The following BBS9 variants were observed in gnomAD, a reference collection of about 807,000 sequenced individuals.
The protein encoded by BBS9 is Bardet-Biedl syndrome 9, also known as protein PTHB1.
A neutral mutation model predicts 117.7 loss-of-function variants in BBS9; 89 were observed. That is an observed-to-expected ratio of 0.76 (90% CI 0.64 to 0.90). The LOEUF (loss-of-function observed/expected upper bound fraction) is 0.90. BBS9 is among the 40% of genes least tolerant of loss of function. The pLI is 0.00. For synonymous variants in BBS9, 379 were observed against 370.9 expected, an observed-to-expected ratio of 1.02 and a Z score of -0.25; for missense variants, 982 against 1,042.2, an observed-to-expected ratio of 0.94 and a Z score of 0.80.
At chr7:33,449,791 C>T (rs1019257269) in intron 19 of BBS9, among the ~76,000 whole-genome samples, 2 of 152,158 alleles carry the variant, frequency 1.3e-5, no homozygotes, top group African/African-American at 4.8e-5. Context: ...CAAATTGTAT[C>T]ATTCTTGGCC....
chr7:33,152,297 G>A (rs1015011409), intron 2 of BBS9, among the ~76,000 whole-genome samples: 1 of 151,994 alleles, frequency 6.6e-6, no homozygotes, highest in African/African-American at 2.4e-5. Flanking sequence ...ATCTAGTGAC[G>A]ACTCAGAATC....
intron 9 of BBS9, among the ~76,000 whole-genome samples, chr7:33,280,911 G>GTTTTTTTTTT (rs150736523): frequency 2.5e-4 from 20 of 79,410 alleles, no homozygotes; most frequent in African/African-American, 4.2e-4. Context: ...TGTCGTTTTT[G>GTTTTTTTTTT]TTTTTTTTTT....
chr7:33,462,891 T>C (rs186739852), intron 19 of BBS9, among the ~76,000 whole-genome samples: 2 of 152,152 alleles, frequency 1.3e-5, no homozygotes, highest in East Asian at 3.9e-4. Context: ...AAAAAATGGA[T>C]ATTTAAAGTT....
At chr7:33,507,139 T>A (rs1381754586) in intron 20 of BBS9, among the ~76,000 whole-genome samples, 1 of 152,224 alleles carries the variant, frequency 6.6e-6, no homozygotes, top group Non-Finnish European at 1.5e-5. Context: ...CATAGAGTGC[T>A]AAAGATTAGC....
At chr7:33,261,947 T>C (rs1798047487) in intron 6 of BBS9, among the ~76,000 whole-genome samples, 1 of 152,226 alleles carries the variant, frequency 6.6e-6, no homozygotes, top group Non-Finnish European at 1.5e-5. Context: ...TACTGAACAC[T>C]TGAGTGGTAA....
At chr7:33,628,377 T>C (rs1196444733) in intron 21 of BBS9, among the ~76,000 whole-genome samples, 2 of 152,204 alleles carry the variant, frequency 1.3e-5, no homozygotes, top group African/African-American at 4.8e-5. Flanking sequence ...TACCTCCAAA[T>C]TGCAATGTTG....
intron 9 of BBS9, among the ~76,000 whole-genome samples, chr7:33,327,196 T>A (rs547013218): frequency 6.6e-6 from 1 of 152,136 alleles, no homozygotes; most frequent in African/African-American, 2.4e-5. Flanking sequence ...TCTGGCAGAA[T>A]AGAAAATGAA....
At chr7:33,299,661 A>C (rs1253468132) in intron 9 of BBS9, among the ~76,000 whole-genome samples, 2 of 150,422 alleles carry the variant, frequency 1.3e-5, no homozygotes, top group Non-Finnish European at 3.0e-5. Context: ...TATTAAATTT[A>C]TAATACTAGT....
chr7:33,508,383 C>A (rs978949281), intron 20 of BBS9, among the ~76,000 whole-genome samples: 1 of 152,158 alleles, frequency 6.6e-6, no homozygotes, highest in African/African-American at 2.4e-5. Flanking sequence ...TGCCTTCCTT[C>A]TTTATTCAAA....
rs369647037 is a variant in BBS9 at position 33,314,893 on chromosome 7, G to C, written c.1017-21548G>C. On this transcript the variant is annotated intron_variant, in intron 9 of 22. Transcript: ENST00000242067. ...GATGTATTTTATCTGAAGATAGTAA[G>C]ACTGGCTTTGGGAGAGAGAATTTTT... Among the ~76,000 whole-genome samples the C allele has an allele frequency of 2.6e-4, 39 of 152,312 alleles. No homozygotes were observed. The South Asian group carries it at 8.1e-3, about 32-fold the overall frequency.
intron 9 of BBS9, among the ~76,000 whole-genome samples, chr7:33,297,323 T>G (rs899264995): frequency 2.0e-5 from 3 of 152,178 alleles, no homozygotes; most frequent in Non-Finnish European, 4.4e-5. Flanking sequence ...CATAAAACTG[T>G]AAACCATTGC....
intron 2 of BBS9, 73 bp from the exon 3 acceptor site, chr7:33,152,628 G>A (rs1584178762): frequency 7.1e-7 from 1 of 1,403,796 alleles, no homozygotes; most frequent in African/African-American, 1.4e-5. Flanking sequence ...TTACACATTA[G>A]AAAGCTTATT....
intron 5 of BBS9, among the ~76,000 whole-genome samples, chr7:33,206,348 G>A (rs377738311): frequency 2.0e-5 from 3 of 152,242 alleles, no homozygotes; most frequent in East Asian, 3.9e-4. Context: ...GGATATCTTT[G>A]TTATAGCAGC....
intron 21 of BBS9, among the ~76,000 whole-genome samples, chr7:33,574,021 A>T (rs896958299): frequency 3.4e-4 from 52 of 152,188 alleles, no homozygotes; most frequent in African/African-American, 1.2e-3. Flanking sequence ...TGTCCACTTC[A>T]ACTTCTCCAT....
At chr7:33,574,725 A>ACACACACACGCG (rs1251263949) in intron 21 of BBS9, among the ~76,000 whole-genome samples, 3 of 125,842 alleles carry the variant, frequency 2.4e-5, no homozygotes, top group Non-Finnish European at 4.9e-5. Context: ...ACACACACAC[A>ACACACACACGCG]CGCGCACACA....
intron 9 of BBS9, among the ~76,000 whole-genome samples, chr7:33,287,710 G>T (rs1180413002): frequency 6.6e-6 from 1 of 152,070 alleles, no homozygotes; most frequent in East Asian, 1.9e-4. Context: ...TAAAATAAAA[G>T]AATTGCTACC....
intron 19 of BBS9, chr7:33,390,614 A>G: frequency 1.0e-6 from 1 of 968,260 alleles, no homozygotes; most frequent in Non-Finnish European, 1.2e-6. Flanking sequence ...ATTGTTCAAT[A>G]AGTTTCATGA....
intron 19 of BBS9, among the ~76,000 whole-genome samples, chr7:33,390,954 T>C (rs1186934888): frequency 6.6e-6 from 1 of 152,210 alleles, no homozygotes; most frequent in Admixed American, 6.5e-5. Flanking sequence ...AGTGCATAGA[T>C]GTACTTCTCT....
intron 12 of BBS9, among the ~76,000 whole-genome samples, chr7:33,348,361 T>C (rs1309385868): frequency 6.6e-6 from 1 of 152,188 alleles, no homozygotes; most frequent in African/African-American, 2.4e-5. Flanking sequence ...TCCATGGATA[T>C]AGAAAATTGC....
Sources: gnomAD v4.1 joint callset for allele counts (sites outside exome capture counted in the v4.1 genomes callset) on GRCh38, gnomAD v4.1.1 for gene constraint, MANE v1.5 for transcripts, NCBI Gene and HGNC (gene_info 2026-07-23, HGNC 2026-07-21) for gene names.